Variants in MEGF10 observed in about 807,000 individuals in gnomAD.
MEGF10 encodes multiple epidermal growth factor-like domains protein 10.
Under a neutral mutation model 147.5 loss-of-function variants are expected in MEGF10, and 86 were observed. The ratio of observed to expected loss-of-function variants is 0.58; its 90% CI spans 0.49 to 0.70. The LOEUF is 0.70. Ranked by LOEUF, MEGF10 falls within the 30% of genes least tolerant of loss-of-function variation. The pLI, the probability that MEGF10 is intolerant of heterozygous loss-of-function variation, is 0.00. For synonymous variants in MEGF10, 478 were observed against 525.5 expected, an observed-to-expected ratio of 0.91 and a Z score of 1.24; for missense variants, 1,329 against 1,487.3, an observed-to-expected ratio of 0.89 and a Z score of 1.75.
intron 1 of MEGF10, among the ~76,000 whole-genome samples, chr5:127,305,541 T>G (rs187782662): frequency 3.3e-4 from 50 of 152,150 alleles, no homozygotes; most frequent in Admixed American, 7.2e-4. Context: ...TCACTATAGC[T>G]AAGCCAGATG....
chr5:127,258,009 G>T, the MEGF10 span, among the ~76,000 whole-genome samples: 3 of 152,154 alleles, frequency 2.0e-5, no homozygotes, highest in African/African-American at 7.2e-5. Context: ...ACATAGTGAT[G>T]AAACTATTTT....
intron 15 of MEGF10, 63 bp downstream of exon 15, chr5:127,434,884 C>G: frequency 6.4e-7 from 1 of 1,551,122 alleles, no homozygotes; most frequent in Non-Finnish European, 8.7e-7. Context: ...AGTCTGTCCT[C>G]AGGCCTCCCC....
intron 18 of MEGF10, among the ~76,000 whole-genome samples, chr5:127,441,246 ATTC>A (rs1765747091): frequency 6.6e-6 from 1 of 152,220 alleles, no homozygotes; most frequent in Admixed American, 6.5e-5. Context: ...AGGACAGTAC[ATTC>A]GGTGGGGAGG....
At chr5:127,451,935 G>C (rs964736053) in intron 22 of MEGF10, among the ~76,000 whole-genome samples, 2 of 152,152 alleles carry the variant, frequency 1.3e-5, no homozygotes, top group Admixed American at 6.5e-5. Flanking sequence ...CCTTGAACTA[G>C]ACACAAAAGA....
At chr5:127,251,708 G>C in the MEGF10 span, among the ~76,000 whole-genome samples, 1 of 151,868 alleles carries the variant, frequency 6.6e-6, no homozygotes, top group Non-Finnish European at 1.5e-5. Context: ...AGACATAGCT[G>C]CAGAAAAAAT....
At chr5:127,424,458 G>A in intron 13 of MEGF10, 2 of 1,252,836 alleles carry the variant, frequency 1.6e-6, no homozygotes, top group South Asian at 1.4e-5. Context: ...ATCAATTTGG[G>A]GAATACTGTC....
Position 127,375,539 on chromosome 5 carries a change from CAT to C in MEGF10, c.412+5538_412+5539del, listed in dbSNP as rs370447309. Among the ~76,000 whole-genome samples the C allele has an allele frequency of 4.4e-3, 665 of 152,338 alleles. 4 individuals are homozygous for C. The highest frequency in any genetic ancestry group is 0.015 in the African/African-American group (638 of 41,582). ...TAAATTATTGTTTTTAAAAAGCACA[CAT>C]GTGTTTTACCTTTATTGGCATCCTA... On this transcript the variant is annotated intron_variant, in intron 5 of 24. Transcript: ENST00000503335.
intron 14 of MEGF10, among the ~76,000 whole-genome samples, chr5:127,434,361 A>C (rs1029719985): frequency 1.3e-5 from 2 of 152,088 alleles, no homozygotes; most frequent in East Asian, 3.9e-4. Context: ...CAATTTTTTT[A>C]TCTCTTTATT....
At chr5:127,370,525 G>A (rs1762809543) in intron 5 of MEGF10, among the ~76,000 whole-genome samples, 3 of 152,162 alleles carry the variant, frequency 2.0e-5, no homozygotes, top group Admixed American at 2.0e-4. Flanking sequence ...AGACTTATCT[G>A]TAATAAAAGA....
intron 4 of MEGF10, among the ~76,000 whole-genome samples, chr5:127,364,754 C>T (rs1014852678): frequency 1.3e-5 from 2 of 152,116 alleles, no homozygotes; most frequent in African/African-American, 4.8e-5. Context: ...TCTCCTTCCT[C>T]CTTCGAATCT....
the MEGF10 span, among the ~76,000 whole-genome samples, chr5:127,248,774 G>A: frequency 1.3e-5 from 2 of 150,386 alleles, no homozygotes; most frequent in Non-Finnish European, 3.0e-5. Flanking sequence ...AGGGAAAGGA[G>A]AATGAATCAG....
chr5:127,448,711 C>T (rs756872855), intron 21 of MEGF10, among the ~76,000 whole-genome samples: 3 of 151,840 alleles, frequency 2.0e-5, no homozygotes, highest in Non-Finnish European at 2.9e-5. Context: ...CTCATGTTTA[C>T]GCCTAGGATA....
Position 127,447,321 on chromosome 5 carries a change from G to A in MEGF10, c.2729-236G>A, listed in dbSNP as rs184560960. ...CTCCCGAGTAGCTGGGACTACAGGC[G>A]CATGCTACCGTGCCCGGCTAATTTT... On this transcript the variant is annotated intron_variant, in intron 20 of 24. Coordinates refer to ENST00000503335, the MANE Select transcript of MEGF10 (RefSeq NM_001256545.2). 1.0e-3 allele frequency among the ~76,000 whole-genome samples: 157 copies of A among 152,138 alleles called. 1 individual carries two copies. The highest frequency in any genetic ancestry group is 3.4e-3 in the Middle Eastern group (1 of 294).
At chr5:127,395,121 T>G (rs1303124133) in intron 5 of MEGF10, among the ~76,000 whole-genome samples, 3 of 152,198 alleles carry the variant, frequency 2.0e-5, no homozygotes, top group African/African-American at 7.2e-5. Flanking sequence ...GGCAGGGTGC[T>G]TCTTCTTCAA....
At chr5:127,294,697 G>A (rs1759413814) in intron 1 of MEGF10, among the ~76,000 whole-genome samples, 6 of 151,864 alleles carry the variant, frequency 4.0e-5, no homozygotes, top group Admixed American at 3.9e-4. Flanking sequence ...TACTTGGGAG[G>A]CTGAGGCACA....
Position 127,373,958 on chromosome 5 carries a change from T to C in MEGF10, c.412+3956T>C, listed in dbSNP as rs557943501. 3.9e-5 allele frequency among the ~76,000 whole-genome samples: 6 copies of C among 152,280 alleles called. No individual in the cohort carries two copies. The South Asian group carries it at 1.0e-3, about 26-fold the overall frequency. On this transcript the variant is annotated intron_variant, in intron 5 of 24. Coordinates refer to ENST00000503335, the MANE Select transcript of MEGF10 (RefSeq NM_001256545.2). Reference sequence around the variant, plus strand: ...GCTGGAAATATGCCCTCTAGGACTTTTATAGGACTTTGGAAAAAACTCTTC... The same window carrying C: ...GCTGGAAATATGCCCTCTAGGACTTCTATAGGACTTTGGAAAAAACTCTTC...
intron 10 of MEGF10, 42 bp from the exon 11 acceptor site, chr5:127,419,078 G>C: frequency 6.4e-7 from 1 of 1,574,532 alleles, no homozygotes; most frequent in African/African-American, 1.4e-5. Context: ...CCTTATTTCA[G>C]TTGGCAAAAT....
At chr5:127,261,646 T>C in the MEGF10 span, among the ~76,000 whole-genome samples, 1 of 152,224 alleles carries the variant, frequency 6.6e-6, no homozygotes, top group African/African-American at 2.4e-5. Flanking sequence ...CTGGTTCATA[T>C]GCTAACTCTA....
the MEGF10 span, among the ~76,000 whole-genome samples, chr5:127,267,572 G>A: frequency 3.9e-5 from 6 of 152,038 alleles, no homozygotes; most frequent in African/African-American, 1.4e-4. Flanking sequence ...TTGGTTGGTA[G>A]GCTATTAATT....
Sources: gnomAD v4.1 joint callset for allele counts (sites outside exome capture counted in the v4.1 genomes callset) on GRCh38, gnomAD v4.1.1 for gene constraint, MANE v1.5 for transcripts, NCBI Gene and HGNC (gene_info 2026-07-23, HGNC 2026-07-21) for gene names.